Variants in KIF3A observed in about 807,000 individuals in gnomAD.
The protein encoded by KIF3A is kinesin family member 3A, also known as kinesin-like protein KIF3A.
KIF3A carries 27 observed loss-of-function variants against 92.6 expected under a neutral mutation model. The ratio of observed to expected loss-of-function variants is 0.29; its 90% CI spans 0.21 to 0.40. The LOEUF is 0.40. KIF3A is among the 10% of genes least tolerant of loss of function. The pLI is 1.00. For missense variants in KIF3A, 581 were observed against 872.6 expected (o/e 0.67, Z 4.21); for synonymous variants, 250 against 275.4 (o/e 0.91, Z 0.92).
At position 132,702,140 on chromosome 5, in the gene KIF3A, C is replaced by G. The variant is rs1276347477; in HGVS notation, c.1831G>C (p.Glu611Gln). The G allele has an allele frequency of 6.2e-7, 1 of 1,613,724 alleles. No homozygotes were observed. The highest frequency in any genetic ancestry group is 8.5e-7 in the Non-Finnish European group (1 of 1,179,824). ...ATAATAAGCATCTGAAGTCGAAGCT[C>G]CCGGCTAAGTTGCCGAATGTTCTCC... is the stretch of plus-strand genomic sequence containing the variant. Reference protein sequence around the residue: ...LLENIRQLSRELRLQMLIIDN... With the variant: ...LLENIRQLSRQLRLQMLIIDN... Residue 611 changes from glutamate to glutamine, a missense_variant, in exon 15 of 19, where the codon GAG (glutamate) becomes CAG (glutamine). By Grantham distance (29) the Glu-to-Gln change is conservative (BLOSUM62 2). Around this residue, in one of 5 missense-constraint regions of KIF3A, gnomAD observed 112 missense variants for 144.3 expected, o/e 0.78. Transcript: ENST00000403231.
chr5:132,711,156 T>A (rs911999111), intron 8 of KIF3A, 99 bp from the exon 9 acceptor site: 4 of 1,042,080 alleles, frequency 3.8e-6, no homozygotes, highest in Non-Finnish European at 5.9e-6. Context: ...TTTTTGTTAC[T>A]GCAAACAACA....
At chr5:132,714,571 C>A (rs1461557228) in intron 8 of KIF3A, among the ~76,000 whole-genome samples, 1 of 152,112 alleles carries the variant, frequency 6.6e-6, no homozygotes, top group Non-Finnish European at 1.5e-5. Flanking sequence ...CTAGAATAGT[C>A]AAATTCATAG....
chr5:132,732,815 A>G (rs1418701938), intron 2 of KIF3A, among the ~76,000 whole-genome samples: 1 of 152,118 alleles, frequency 6.6e-6, no homozygotes, highest in Non-Finnish European at 1.5e-5. Context: ...AGGCTGAGGC[A>G]GGAGAATCGC....
Position 132,720,599 on chromosome 5 carries a change from C to G in KIF3A, c.616+10G>C. ...ACAGATGCTTAATCACAATTACACA[C>G]TATACTTACGATTTTTGTGGCCTAG... On this transcript the variant is annotated intron_variant, in intron 5 of 18. Transcript: ENST00000403231. 6.4e-7 allele frequency: 1 copy of G among 1,560,940 alleles called. No homozygotes were observed. The highest frequency in any genetic ancestry group is 8.8e-7 in the Non-Finnish European group (1 of 1,136,684).
In KIF3A at chr5:132,737,456, CG is replaced by C. The variant is rs1331080979; in HGVS notation, c.-38del. Reference sequence around the variant, plus strand: ...CCCGTGCCCGGCGGACGTCCCCGCCCGGGGTGCAGCCCAGCGACACCGGGTG... The same window carrying C: ...CCCGTGCCCGGCGGACGTCCCCGCCCGGGTGCAGCCCAGCGACACCGGGTG... On this transcript the variant is annotated 5_prime_UTR_variant, in exon 1 of 19. Coordinates refer to ENST00000403231, the MANE Select transcript of KIF3A (RefSeq NM_001300791.2). 4 of 1,599,942 alleles carry C rather than the reference CG, an allele frequency of 2.5e-6. No individual in the cohort carries two copies. The highest frequency in any genetic ancestry group is 3.4e-6 in the Non-Finnish European group (4 of 1,174,088).
chr5:132,736,731 G>A (rs747854465), intron 1 of KIF3A: 1 of 458,448 alleles, frequency 2.2e-6, no homozygotes, highest in South Asian at 1.6e-5. Flanking sequence ...GACCCAGACA[G>A]ATTAAATAAT....
intron 6 of KIF3A, 23 bp from the exon 7 acceptor site, chr5:132,716,465 G>T (rs749729214): frequency 6.3e-7 from 1 of 1,575,144 alleles, no homozygotes; most frequent in Non-Finnish European, 8.6e-7. Flanking sequence ...AGAGATGAAA[G>T]TAAAGCTAAA....
At chr5:132,712,374 C>A (rs1158828300) in intron 8 of KIF3A, among the ~76,000 whole-genome samples, 1 of 152,166 alleles carries the variant, frequency 6.6e-6, no homozygotes, top group Non-Finnish European at 1.5e-5. Flanking sequence ...ATAGCCAAAG[C>A]TGGAACAATT....
intron 15 of KIF3A, 86 bp from the exon 16 acceptor site, chr5:132,700,786 T>C (rs1388827970): frequency 1.9e-5 from 15 of 795,996 alleles, no homozygotes; most frequent in East Asian, 1.3e-4. Flanking sequence ...CTTAATAACA[T>C]TGAGTAATAA....
chr5:132,700,711 G>C lies in KIF3A; in HGVS notation c.1885-11C>G, dbSNP rs560809578. ...GTTTTCAATCATTTCCTTTTAAAAG[G>C]GTGAAAGATAGCCTATTTTTAATAT... On this transcript the variant is annotated splice_polypyrimidine_tract_variant and intron_variant, in intron 15 of 18. Coordinates refer to ENST00000403231, the MANE Select transcript of KIF3A (RefSeq NM_001300791.2). 3.2e-6 allele frequency: 5 copies of C among 1,557,760 alleles called. No homozygotes were observed. In the South Asian group the frequency reaches 4.5e-5, roughly 14 times the overall value.
intron 2 of KIF3A, among the ~76,000 whole-genome samples, chr5:132,732,201 C>A (rs1346945375): frequency 6.6e-6 from 1 of 152,166 alleles, no homozygotes; most frequent in Admixed American, 6.5e-5. Context: ...AAATCAGAAA[C>A]CTCACACATT....
chr5:132,727,913 T>G (rs1029257124), intron 2 of KIF3A, among the ~76,000 whole-genome samples: 4 of 152,210 alleles, frequency 2.6e-5, no homozygotes, highest in African/African-American at 7.2e-5. Flanking sequence ...GACTTTTTTT[T>G]GTGAAAATAA....
downstream of KIF3A, among the ~76,000 whole-genome samples, chr5:132,689,310 A>C (rs1212361225): frequency 6.6e-6 from 1 of 152,226 alleles, no homozygotes; most frequent in Non-Finnish European, 1.5e-5. Flanking sequence ...GCACAGGCTA[A>C]CGGTGGTCTT....
At chr5:132,730,009 A>G (rs1034243378) in intron 2 of KIF3A, among the ~76,000 whole-genome samples, 37 of 152,240 alleles carry the variant, frequency 2.4e-4, no homozygotes, top group African/African-American at 8.7e-4. Flanking sequence ...GGAAAAAAAG[A>G]AAAGACGTAA....
chr5:132,692,611 GCAGACCACTACTA>G (rs1219335203), downstream of KIF3A: 10 of 152,506 alleles, frequency 6.6e-5, no homozygotes, highest in East Asian at 1.9e-3. Flanking sequence ...GAGAAAAGCA[GCAGACCACTACTA>G]CAGGCATTAG....
intron 2 of KIF3A, among the ~76,000 whole-genome samples, chr5:132,731,501 C>G (rs1351238818): frequency 6.6e-6 from 1 of 152,116 alleles, no homozygotes; most frequent in Non-Finnish European, 1.5e-5. Flanking sequence ...TTCCTCAAAC[C>G]TACAAAGGAT....
At chr5:132,731,508 G>C (rs1290413845) in intron 2 of KIF3A, among the ~76,000 whole-genome samples, 1 of 152,018 alleles carries the variant, frequency 6.6e-6, no homozygotes, top group Non-Finnish European at 1.5e-5. Flanking sequence ...AACCTACAAA[G>C]GATATCTGTT....
chr5:132,705,061 T>C (rs1055070958), intron 11 of KIF3A, among the ~76,000 whole-genome samples: 1 of 151,990 alleles, frequency 6.6e-6, no homozygotes, highest in African/African-American at 2.4e-5. Context: ...TGTGGTGTGA[T>C]TCATTGCATT....
chr5:132,706,473 G>A lies in KIF3A; in HGVS notation c.1301-14C>T. 1 of 1,540,544 alleles carries A rather than the reference G, an allele frequency of 6.5e-7. No homozygotes were observed. The highest frequency in any genetic ancestry group is 8.7e-7 in the Non-Finnish European group (1 of 1,142,934). On this transcript the variant is annotated splice_polypyrimidine_tract_variant and intron_variant, in intron 10 of 18. Coordinates refer to ENST00000403231, the MANE Select transcript of KIF3A (RefSeq NM_001300791.2). Reference sequence around the variant, plus strand: ...AACCTGCTTGATCTTGCAATAAGAAGTAGTAAGCAAATCGCAGACAGGAAG... The same window carrying A: ...AACCTGCTTGATCTTGCAATAAGAAATAGTAAGCAAATCGCAGACAGGAAG...
Sources: allele counts gnomAD v4.1 joint callset (sites outside exome capture counted in the v4.1 genomes callset), GRCh38; gene constraint gnomAD v4.1.1; regional missense constraint gnomAD v4.1.1; transcripts MANE v1.5; gene names NCBI Gene and HGNC (gene_info 2026-07-23, HGNC 2026-07-21).